Variants in LAMA3 observed in about 807,000 individuals in gnomAD.
LAMA3 encodes laminin subunit alpha 3.
LAMA3 carries 281 observed loss-of-function variants against 402.0 expected under a neutral mutation model. The observed-to-expected ratio is 0.70, with a 90% confidence interval of 0.63 to 0.77. The LOEUF is 0.77. Among genes scored for constraint, LAMA3 ranks in the 30% least tolerant of loss-of-function variants. LAMA3 has a pLI of 0.00. For missense variants in LAMA3, 3,840 were observed against 4,215.5 expected (o/e 0.91, Z 2.47); for synonymous variants, 1,431 against 1,558.4 (o/e 0.92, Z 1.93).
At chr18:23,813,912 A>G (rs1017344239) in intron 14 of LAMA3, among the ~76,000 whole-genome samples, 3 of 152,196 alleles carry the variant, frequency 2.0e-5, no homozygotes, top group Non-Finnish European at 4.4e-5. Flanking sequence ...AGAGATGCCG[A>G]CTTCCAGGCA....
intron 34 of LAMA3, 78 bp downstream of exon 34, chr18:23,858,907 T>C: frequency 7.0e-7 from 1 of 1,430,174 alleles, no homozygotes; most frequent in South Asian, 1.1e-5. Context: ...TCGCTGCTCC[T>C]TGGCCTGCAG....
intron 59 of LAMA3, 132 bp downstream of exon 59, chr18:23,915,554 A>G (rs1599086600): frequency 3.6e-6 from 3 of 824,382 alleles, no homozygotes. Context: ...GTAGTTCTTC[A>G]AGTATGTGTG....
At position 23,802,660 on chromosome 18, in the gene LAMA3, C is replaced by T. The variant is rs142476532; in HGVS notation, c.1604-7706C>T. On this transcript the variant is annotated intron_variant, in intron 12 of 74. Transcript: ENST00000313654. ...TGATCGTCACGTCTCCTGGTAGAAG[C>T]ATTTCTTCCTCTGGAACTAAGACCT... Among the ~76,000 whole-genome samples the T allele has an allele frequency of 2.0e-3, 307 of 152,258 alleles. 1 individual carries two copies. The highest frequency in any genetic ancestry group is 7.2e-3 in the African/African-American group (298 of 41,554).
At chr18:23,727,731 T>C (rs1475852471) in intron 2 of LAMA3, among the ~76,000 whole-genome samples, 6 of 152,104 alleles carry the variant, frequency 3.9e-5, no homozygotes, top group Admixed American at 1.3e-4. Context: ...ACTTTTCTTT[T>C]CTTTCTGTTT....
chr18:23,794,166 C>T (rs1353160767), intron 12 of LAMA3, among the ~76,000 whole-genome samples: 4 of 152,228 alleles, frequency 2.6e-5, no homozygotes, highest in Non-Finnish European at 4.4e-5. Flanking sequence ...TTCCTGACAT[C>T]AGCATTCCTT....
At chr18:23,927,779 A>G (rs1393942820) in intron 62 of LAMA3, among the ~76,000 whole-genome samples, 1 of 152,196 alleles carries the variant, frequency 6.6e-6, no homozygotes, top group Non-Finnish European at 1.5e-5. Flanking sequence ...TTATTAATAC[A>G]TGTCCTATCC....
intron 27 of LAMA3, among the ~76,000 whole-genome samples, chr18:23,841,916 C>T (rs1345227332): frequency 1.3e-5 from 2 of 151,526 alleles, no homozygotes; most frequent in African/African-American, 4.9e-5. Flanking sequence ...AGTGAGACCT[C>T]GTCCCTTAAA....
chr18:23,915,242 T>G (rs754719018), intron 58 of LAMA3, 47 bp from the exon 59 acceptor site: 4 of 1,600,512 alleles, frequency 2.5e-6, no homozygotes. Flanking sequence ...CTATTTTGAT[T>G]ATTGTCCTTT....
chr18:23,901,461 A>G, intron 48 of LAMA3, 138 bp downstream of exon 48: 2 of 733,596 alleles, frequency 2.7e-6, no homozygotes, highest in Non-Finnish European at 4.7e-6. Flanking sequence ...ATCAGACAGG[A>G]ACAAAGCGTT....
Position 23,769,638 on chromosome 18 carries a change from C to A in LAMA3, c.1183-3859C>A, listed in dbSNP as rs2062152198. 4.6e-5 allele frequency among the ~76,000 whole-genome samples: 7 copies of A among 152,270 alleles called. No homozygotes were observed. In the South Asian group the frequency reaches 1.2e-3, roughly 27 times the overall value. On this transcript the variant is annotated intron_variant, in intron 8 of 74. Transcript: ENST00000313654. The stretch of plus-strand genomic sequence containing the variant: ...TCCAAAAAATAGATAAATGAAGGAA[C>A]AGGGGATGAAGTGCATGCATGTGCG...
rs1335559458 is a variant in LAMA3 at position 23,922,479 on chromosome 18, C to G, written c.8177+894C>G. 2.6e-5 allele frequency among the ~76,000 whole-genome samples: 4 copies of G among 152,332 alleles called. No homozygotes were observed. In the East Asian group the frequency reaches 5.8e-4, roughly 22 times the overall value. On this transcript the variant is annotated intron_variant, in intron 62 of 74. Transcript: ENST00000313654. ...CCATTCTACGTAGTCAGGTACTAAT[C>G]TTTGTTTTAAAGTTGTCAGGGTTGC...
intron 2 of LAMA3, among the ~76,000 whole-genome samples, chr18:23,745,687 T>A (rs550039444): frequency 5.3e-5 from 8 of 152,332 alleles, no homozygotes; most frequent in African/African-American, 1.9e-4. Context: ...CGCTTCTTAT[T>A]ATGAGGTCTA....
At chr18:23,881,417 C>T (rs187143522) in intron 39 of LAMA3, among the ~76,000 whole-genome samples, 1,595 of 152,098 alleles carry the variant, frequency 0.01, 14 homozygotes, top group South Asian at 0.068. Flanking sequence ...TTAGGTGAAC[C>T]GTGAAGTAAA....
chr18:23,899,045 A>G lies in LAMA3; in HGVS notation c.5816A>G (p.Asn1939Ser). Reference sequence around the variant, plus strand: ...AAAGAACTGGATGTGAAGATTAAAAATGTCATCCGGAATGTGCACAGTAAG... The same window carrying G: ...AAAGAACTGGATGTGAAGATTAAAAGTGTCATCCGGAATGTGCACAGTAAG... ...SAKELDVKIK[N>S]VIRNVHILLK... Residue 1939 changes from asparagine (N) to serine (S), a missense_variant, in exon 46 of 75, where the codon AAT becomes AGT. Asn to Ser is a conservative substitution (Grantham distance 46). Coordinates refer to ENST00000313654, the MANE Select transcript of LAMA3 (RefSeq NM_198129.4). 1 of 1,613,482 alleles carries G rather than the reference A, an allele frequency of 6.2e-7. No homozygotes were observed. Among genetic ancestry groups the G allele is most frequent in the African/African-American group, 1.3e-5 (1 of 75,026 alleles).
At chr18:23,815,165 A>G (rs2063151042) in intron 15 of LAMA3, 23 bp from the exon 16 acceptor site, 5 of 1,611,204 alleles carry the variant, frequency 3.1e-6, no homozygotes, top group Non-Finnish European at 3.4e-6. Context: ...CCTTAGTTCA[A>G]GGATGCTCTC....
At position 23,894,363 on chromosome 18, in the gene LAMA3, C is replaced by A. The variant is rs375875470; in HGVS notation, c.5461+15C>A. ...AGAATGTGATGGTGAGAAAAGAAAG[C>A]CCCTCCTCCTCCTTTCCAAGTTGTG... On this transcript the variant is annotated intron_variant, in intron 43 of 74. Coordinates refer to ENST00000313654, the MANE Select transcript of LAMA3 (RefSeq NM_198129.4). The A allele has an allele frequency of 6.2e-7, 1 of 1,607,928 alleles. No individual in the cohort carries two copies. Among genetic ancestry groups the A allele is most frequent in the South Asian group, 1.1e-5 (1 of 90,960 alleles).
At chr18:23,854,923 T>G (rs1474400132) in intron 32 of LAMA3, among the ~76,000 whole-genome samples, 1 of 151,872 alleles carries the variant, frequency 6.6e-6, no homozygotes, top group Non-Finnish European at 1.5e-5. Flanking sequence ...AGGCAGAGCT[T>G]GCAGTGAGCC....
chr18:23,689,938 C>G lies in LAMA3; in HGVS notation c.255C>G (p.Val85=). The G allele has an allele frequency of 6.6e-7, 1 of 1,524,444 alleles. No individual in the cohort carries two copies. Among genetic ancestry groups the G allele is most frequent in the Non-Finnish European group, 8.8e-7 (1 of 1,135,532 alleles). 94.4% of individuals were successfully genotyped at this position (1,524,444 alleles called of 1,614,324 possible). ...RPQPELYCKL[V]GGPTAPGSGH... ...AGCCCGAGCTCTACTGCAAGTTGGTCGGGGGCCCCACCGCCCCAGGCAGCG... is the reference window on the plus strand; with the variant it reads ...AGCCCGAGCTCTACTGCAAGTTGGTGGGGGGCCCCACCGCCCCAGGCAGCG... The change falls in exon 1 of 75, where the codon GTC becomes GTG. Residue 85 remains valine (V), a synonymous_variant. Coordinates refer to ENST00000313654, the MANE Select transcript of LAMA3 (RefSeq NM_198129.4).
rs2064406141 is a variant in LAMA3 at position 23,867,941 on chromosome 18, T to TCC, written c.4767+24_4767+25insCC. 6 of 1,572,994 alleles carry TCC rather than the reference T, an allele frequency of 3.8e-6. No homozygotes were observed. In the African/African-American group the frequency reaches 8.1e-5, roughly 21 times the overall value. ...AGGTAAAGGAAGAGCAACCATAGGA[T>TCC]GGTCCTTTCTGTTTTGTGACTTAAT... On this transcript the variant is annotated intron_variant, in intron 37 of 74. Coordinates refer to ENST00000313654, the MANE Select transcript of LAMA3 (RefSeq NM_198129.4).
Sources: allele counts gnomAD v4.1 joint callset (sites outside exome capture counted in the v4.1 genomes callset), GRCh38; gene constraint gnomAD v4.1.1; transcripts MANE v1.5; gene names NCBI Gene and HGNC (gene_info 2026-07-23, HGNC 2026-07-21).